EXOC6: variants seen among roughly 807,000 people sequenced by gnomAD.
EXOC6 encodes exocyst complex component 6, also known as SEC15-like 1.
Under a neutral mutation model 112.5 loss-of-function variants are expected in EXOC6, and 60 were observed. The ratio of observed to expected loss-of-function variants is 0.53; its 90% CI spans 0.43 to 0.66. The LOEUF is 0.66. Among genes scored for constraint, EXOC6 ranks in the 30% least tolerant of loss-of-function variants. The pLI, the probability that EXOC6 is intolerant of heterozygous loss-of-function variation, is 0.00. For missense variants in EXOC6, 855 were observed against 957.1 expected (o/e 0.89, Z 1.41); for synonymous variants, 295 against 308.0 (o/e 0.96, Z 0.44).
chr10:92,866,244 G>T (rs541123735), intron 1 of EXOC6, among the ~76,000 whole-genome samples: 1 of 152,102 alleles, frequency 6.6e-6, no homozygotes, highest in South Asian at 2.1e-4. Context: ...AAAACACTGG[G>T]ATTAAACATT....
intron 1 of EXOC6, among the ~76,000 whole-genome samples, chr10:92,863,420 GAATA>G (rs747213288): frequency 1.3e-5 from 2 of 152,174 alleles, no homozygotes; most frequent in Admixed American, 6.5e-5. Flanking sequence ...TAAGCTGAAA[GAATA>G]AATAACTGAA....
chr10:92,914,006 C>T (rs1850944729), intron 6 of EXOC6, among the ~76,000 whole-genome samples: 1 of 152,138 alleles, frequency 6.6e-6, no homozygotes, highest in Non-Finnish European at 1.5e-5. Context: ...TTCTCTGGCA[C>T]ACATTTTAAT....
intron 19 of EXOC6, among the ~76,000 whole-genome samples, chr10:92,999,712 T>TTC (rs965945643): frequency 4.6e-5 from 7 of 151,856 alleles, no homozygotes; most frequent in African/African-American, 1.7e-4. Flanking sequence ...GCCTAATTTT[T>TTC]TTTTTTTTTG....
rs1845513377 is a variant in EXOC6 at position 93,036,289 on chromosome 10, T to C, written c.2170-20635T>C. ...TCTTCAGTCTTTCACAGTCATTATTTCCCTCCAGACCTTTGTAGTGTACAT... is the reference window on the plus strand; with the variant it reads ...TCTTCAGTCTTTCACAGTCATTATTCCCCTCCAGACCTTTGTAGTGTACAT... On this transcript the variant is annotated intron_variant, in intron 20 of 21. Coordinates refer to ENST00000260762, the MANE Select transcript of EXOC6 (RefSeq NM_019053.6). 2.0e-5 allele frequency among the ~76,000 whole-genome samples: 3 copies of C among 152,292 alleles called. No individual in the cohort carries two copies. The South Asian group carries it at 6.2e-4, about 32-fold the overall frequency.
At chr10:92,999,933 A>C (rs1218992438) in intron 19 of EXOC6, among the ~76,000 whole-genome samples, 1 of 151,950 alleles carries the variant, frequency 6.6e-6, no homozygotes. Context: ...CAAACTCCTA[A>C]CCTCAGGTGA....
chr10:93,032,404 A>G (rs923356834), intron 20 of EXOC6, among the ~76,000 whole-genome samples: 3 of 152,202 alleles, frequency 2.0e-5, no homozygotes, highest in Non-Finnish European at 2.9e-5. Context: ...CAGGGGTTCC[A>G]ACTTGAGAAC....
chr10:92,949,356 G>A (rs548248869), intron 14 of EXOC6, among the ~76,000 whole-genome samples: 13 of 152,244 alleles, frequency 8.5e-5, no homozygotes, highest in African/African-American at 2.9e-4. Flanking sequence ...AGCTAATGCC[G>A]CCATTGCATA....
chr10:92,902,204 G>A (rs1850214931), intron 5 of EXOC6, among the ~76,000 whole-genome samples: 1 of 151,714 alleles, frequency 6.6e-6, no homozygotes, highest in Admixed American at 6.6e-5. Context: ...TGATGTGGTG[G>A]GTACTTTTTG....
intron 1 of EXOC6, among the ~76,000 whole-genome samples, chr10:92,860,541 G>A (rs60911194): frequency 9.2e-4 from 140 of 152,200 alleles, no homozygotes; most frequent in African/African-American, 3.3e-3. Context: ...GATGACAGGC[G>A]TGAGCCACTG....
intron 20 of EXOC6, among the ~76,000 whole-genome samples, chr10:93,019,151 T>C (rs1844669089): frequency 6.6e-6 from 1 of 152,200 alleles, no homozygotes; most frequent in African/African-American, 2.4e-5. Context: ...GGCTAGTTTT[T>C]GTATTTTTGG....
chr10:92,925,806 C>T (rs1446301095), intron 8 of EXOC6, among the ~76,000 whole-genome samples: 1 of 151,914 alleles, frequency 6.6e-6, no homozygotes, highest in African/African-American at 2.4e-5. Flanking sequence ...ACTACAGGTG[C>T]ATGCCACTAT....
At chr10:92,883,076 G>A (rs1849043837) in intron 1 of EXOC6, among the ~76,000 whole-genome samples, 1 of 152,138 alleles carries the variant, frequency 6.6e-6, no homozygotes, top group Admixed American at 6.5e-5. Flanking sequence ...TTTCATAATT[G>A]GGGCCTATGT....
chr10:92,949,930 G>C (rs900618470), intron 14 of EXOC6, among the ~76,000 whole-genome samples: 1 of 152,134 alleles, frequency 6.6e-6, no homozygotes, highest in African/African-American at 2.4e-5. Context: ...GACTGAGCCT[G>C]TGTGGGCATT....
At chr10:92,901,618 C>CTTTTTTTT (rs549846022) in intron 5 of EXOC6, 1 of 126,880 alleles carries the variant, frequency 7.9e-6, no homozygotes. Context: ...CTCATTGTGC[C>CTTTTTTTT]TTTTTTTTTT....
rs1436879442 is a variant in EXOC6 at position 93,039,829 on chromosome 10, C to T, written c.2170-17095C>T. ...AAACCCTCATTGCAATGTAAATGGC[C>T]CTACTGCTTCAACTGTGTGGCAGAA... On this transcript the variant is annotated intron_variant, in intron 20 of 21. Transcript: ENST00000260762. Among the ~76,000 whole-genome samples, 3 of 152,126 alleles carry T rather than the reference C, an allele frequency of 2.0e-5. No individual in the cohort carries two copies. In the East Asian group the frequency reaches 5.8e-4, roughly 29 times the overall value.
intron 8 of EXOC6, among the ~76,000 whole-genome samples, chr10:92,924,917 A>C (rs1422973558): frequency 6.6e-6 from 1 of 152,166 alleles, no homozygotes; most frequent in Non-Finnish European, 1.5e-5. Flanking sequence ...GAGAACATGC[A>C]GTATTTGGTT....
chr10:93,034,372 C>T (rs987642917), intron 20 of EXOC6, among the ~76,000 whole-genome samples: 1 of 152,158 alleles, frequency 6.6e-6, no homozygotes, highest in Admixed American at 6.5e-5. Context: ...TGTTCTTAGC[C>T]CCTCACCCAT....
intron 19 of EXOC6, among the ~76,000 whole-genome samples, chr10:93,002,182 A>G (rs367922116): frequency 6.6e-6 from 1 of 151,588 alleles, no homozygotes; most frequent in South Asian, 2.1e-4. Context: ...TTCTTATCCT[A>G]TATATATATG....
intron 20 of EXOC6, among the ~76,000 whole-genome samples, chr10:93,039,011 A>G (rs796436043): frequency 1.2e-4 from 19 of 152,204 alleles, no homozygotes; most frequent in African/African-American, 4.6e-4. Flanking sequence ...ATATATGTAT[A>G]TATATATATA....
Sources: gnomAD v4.1 joint callset for allele counts (sites outside exome capture counted in the v4.1 genomes callset) on GRCh38, gnomAD v4.1.1 for gene constraint, MANE v1.5 for transcripts, NCBI Gene and HGNC (gene_info 2026-07-23, HGNC 2026-07-21) for gene names.